EPHA6: variants seen among roughly 807,000 people sequenced by gnomAD.
EPHA6 encodes the protein EPH receptor A6, also known as ephrin type-A receptor 6.
In EPHA6, 50 loss-of-function variants were observed where a neutral mutation model predicts 112.0. The ratio of observed to expected loss-of-function variants is 0.45; its 90% CI spans 0.36 to 0.56. EPHA6 has a LOEUF of 0.56. Ranked by LOEUF, EPHA6 falls within the 20% of genes least tolerant of loss-of-function variation. The pLI, the probability that EPHA6 is intolerant of heterozygous loss-of-function variation, is 0.00. For missense variants in EPHA6, 1,280 were observed against 1,417.4 expected, an observed-to-expected ratio of 0.90 and a Z score of 1.56; for synonymous variants, 529 against 490.7, an observed-to-expected ratio of 1.08 and a Z score of -1.03.
chr3:96,913,213 C>CCA (rs148069750), intron 2 of EPHA6, among the ~76,000 whole-genome samples: 2 of 111,746 alleles, frequency 1.8e-5, no homozygotes, highest in Non-Finnish European at 3.6e-5. Flanking sequence ...CACACACACA[C>CCA]CACACACACG....
rs1468981402 is a variant in EPHA6 at position 97,599,190 on chromosome 3, C to T, written c.2512+6453C>T. ...AGCCCTTTGTCAGACGAGTAGGTTG[C>T]GAAAATTTTCTCCCATTTTGTAGGT... On this transcript the variant is annotated intron_variant, in intron 12 of 17. Coordinates refer to ENST00000389672, the MANE Select transcript of EPHA6 (RefSeq NM_001080448.3). 1.8e-4 allele frequency among the ~76,000 whole-genome samples: 27 copies of T among 150,712 alleles called. No individual in the cohort carries two copies. The East Asian group carries it at 1.9e-3, about 11-fold the overall frequency.
At chr3:97,225,255 A>G (rs1451290890) in intron 3 of EPHA6, among the ~76,000 whole-genome samples, 1 of 152,068 alleles carries the variant, frequency 6.6e-6, no homozygotes, top group African/African-American at 2.4e-5. Context: ...GCACCTGGCA[A>G]TTTTGGGCTA....
chr3:97,628,370 C>T (rs1472160005), intron 13 of EPHA6, among the ~76,000 whole-genome samples: 1 of 151,920 alleles, frequency 6.6e-6, no homozygotes, highest in Non-Finnish European at 1.5e-5. Flanking sequence ...AAGGTTATTG[C>T]ACTACAGTAT....
intron 2 of EPHA6, among the ~76,000 whole-genome samples, chr3:96,894,018 A>C (rs983567104): frequency 6.6e-6 from 1 of 152,190 alleles, no homozygotes; most frequent in Non-Finnish European, 1.5e-5. Context: ...TCTATTCTGG[A>C]AACAGATGCC....
chr3:96,836,747 G>A (rs2034438380), intron 1 of EPHA6, among the ~76,000 whole-genome samples: 1 of 152,128 alleles, frequency 6.6e-6, no homozygotes, highest in Non-Finnish European at 1.5e-5. Flanking sequence ...CCATTATTGT[G>A]CCTGTGCACA....
intron 3 of EPHA6, among the ~76,000 whole-genome samples, chr3:97,151,532 G>A (rs1473011589): frequency 5.9e-5 from 9 of 152,034 alleles, no homozygotes. Context: ...TTCCTTCAGA[G>A]CTGGCCATTT....
chr3:97,355,225 CTG>C (rs1375108645), intron 5 of EPHA6, among the ~76,000 whole-genome samples: 5 of 152,078 alleles, frequency 3.3e-5, no homozygotes, highest in African/African-American at 1.2e-4. Context: ...GATTATAACT[CTG>C]TAACTGTGGT....
intron 3 of EPHA6, among the ~76,000 whole-genome samples, chr3:97,205,486 A>G (rs1010388853): frequency 3.3e-5 from 5 of 152,102 alleles, no homozygotes; most frequent in Admixed American, 6.6e-5. Context: ...TTTGAACTGC[A>G]TGGCTCCACT....
chr3:97,056,634 A>G (rs182993253), intron 3 of EPHA6, among the ~76,000 whole-genome samples: 1 of 152,292 alleles, frequency 6.6e-6, no homozygotes, highest in Admixed American at 6.5e-5. Flanking sequence ...TATTGCTTGG[A>G]TCTGGACCCA....
chr3:97,421,440 A>G (rs895100730), intron 6 of EPHA6, among the ~76,000 whole-genome samples: 3 of 152,144 alleles, frequency 2.0e-5, no homozygotes, highest in African/African-American at 2.4e-5. Context: ...TAAATCTGAA[A>G]TAGTTTTCAA....
intron 2 of EPHA6, among the ~76,000 whole-genome samples, chr3:96,985,654 T>C (rs1310992420): frequency 6.6e-6 from 1 of 152,188 alleles, no homozygotes; most frequent in Non-Finnish European, 1.5e-5. Flanking sequence ...AAGGAACTCA[T>C]TGTTTTCTCT....
At chr3:97,545,663 G>T (rs2107690315) in intron 11 of EPHA6, among the ~76,000 whole-genome samples, 1 of 152,122 alleles carries the variant, frequency 6.6e-6, no homozygotes, top group African/African-American at 2.4e-5. Context: ...TTGACAGTGG[G>T]GTGTTAAAGT....
chr3:97,325,234 G>A (rs1213864027), intron 5 of EPHA6, among the ~76,000 whole-genome samples: 2 of 152,064 alleles, frequency 1.3e-5, no homozygotes, highest in East Asian at 1.9e-4. Context: ...CGACTATGTG[G>A]CTCAAACAAC....
intron 6 of EPHA6, among the ~76,000 whole-genome samples, chr3:97,434,664 C>T (rs1007095272): frequency 4.6e-5 from 7 of 151,824 alleles, no homozygotes; most frequent in Non-Finnish European, 1.0e-4. Flanking sequence ...ATTTTTAAGC[C>T]AAAATGTAGT....
At chr3:97,164,567 A>G (rs1365251385) in intron 3 of EPHA6, among the ~76,000 whole-genome samples, 1 of 152,108 alleles carries the variant, frequency 6.6e-6, no homozygotes, top group Non-Finnish European at 1.5e-5. Flanking sequence ...ATTATTTAAA[A>G]TTGTGAATTG....
At chr3:97,339,684 G>GA (rs2083213903) in intron 5 of EPHA6, among the ~76,000 whole-genome samples, 1 of 151,982 alleles carries the variant, frequency 6.6e-6, no homozygotes, top group Non-Finnish European at 1.5e-5. Context: ...CAAGACTTGG[G>GA]AAAAAATCAA....
At chr3:97,613,136 C>G (rs982277607) in intron 13 of EPHA6, among the ~76,000 whole-genome samples, 1 of 151,980 alleles carries the variant, frequency 6.6e-6, no homozygotes, top group Non-Finnish European at 1.5e-5. Context: ...TGTTCTTACC[C>G]TTCTTTGTAA....
chr3:97,644,411 T>C (rs2094038636), intron 14 of EPHA6, among the ~76,000 whole-genome samples: 1 of 149,570 alleles, frequency 6.7e-6, no homozygotes, highest in South Asian at 2.2e-4. Flanking sequence ...ATTCAAAAGC[T>C]AGCAGAAGGC....
chr3:97,592,877 A>G, intron 12 of EPHA6, 140 bp downstream of exon 12: 1 of 1,045,764 alleles, frequency 9.6e-7, no homozygotes, highest in South Asian at 2.4e-5. Context: ...AAATTCAGAA[A>G]CCATATTTAT....
Sources: allele counts gnomAD v4.1 joint callset (sites outside exome capture counted in the v4.1 genomes callset), GRCh38; gene constraint gnomAD v4.1.1; transcripts MANE v1.5; gene names NCBI Gene and HGNC (gene_info 2026-07-23, HGNC 2026-07-21).